The following DNAAF2 variants were observed in gnomAD, a reference collection of about 807,000 sequenced individuals.
DNAAF2 encodes the protein dynein axonemal assembly factor 2, also known as protein kintoun.
In DNAAF2, 58 loss-of-function variants were observed where a neutral mutation model predicts 48.8. That is an observed-to-expected ratio of 1.19 (90% CI 0.96 to 1.48). The LOEUF (loss-of-function observed/expected upper bound fraction) is 1.48, where lower values mean the gene tolerates loss of function less well. DNAAF2 is among the 40% of genes most tolerant of loss of function. DNAAF2 has a pLI of 0.00. For missense variants in DNAAF2, 1,241 were observed against 1,116.1 expected (o/e 1.11, Z -1.59); for synonymous variants, 567 against 481.2 (o/e 1.18, Z -2.33).
rs772951220 is a variant in DNAAF2 at position 49,634,993 on chromosome 14, C to T, written c.157G>A (p.Glu53Lys). The part of the protein sequence containing the change: ...LTDPENRRRY[E>K]AEITALERER... Reference sequence around the variant, plus strand: ...CGCTCTAGCGCGGTGATCTCCGCCTCGTAGCGCCGCCGGTTCTCCGGGTCG... The same window carrying T: ...CGCTCTAGCGCGGTGATCTCCGCCTTGTAGCGCCGCCGGTTCTCCGGGTCG... Residue 53 changes from glutamate (E) to lysine (K), a missense_variant, in exon 1 of 3, where the codon GAG (glutamate) becomes AAG (lysine). By Grantham distance (56) the Glu-to-Lys change is moderately conservative. Transcript: ENST00000298292. 1.3e-6 allele frequency: 2 copies of T among 1,564,396 alleles called. No homozygotes were observed. The highest frequency in any genetic ancestry group is 1.7e-6 in the Non-Finnish European group (2 of 1,154,790).
At position 49,634,770 on chromosome 14, in the gene DNAAF2, G is replaced by T. The variant is rs754170049; in HGVS notation, c.380C>A (p.Pro127His). Residue 127 changes from proline (P) to histidine (H), a missense_variant, in exon 1 of 3, where the codon CCC (proline) becomes CAC (histidine). Transcript: ENST00000298292. ...SHWSLPYSLA[P>H]GREYAGRSSS... Reference sequence around the variant, plus strand: ...GCTGCGCCCCGCGTACTCGCGGCCGGGCGCCAGGCTGTAGGGCAGGGACCA... The same window carrying T: ...GCTGCGCCCCGCGTACTCGCGGCCGTGCGCCAGGCTGTAGGGCAGGGACCA... The T allele has an allele frequency of 4.4e-6, 7 of 1,591,150 alleles. No individual in the cohort carries two copies. In the South Asian group the frequency reaches 7.8e-5, roughly 18 times the overall value.
At chr14:49,630,790 C>T (rs1883141714) in intron 1 of DNAAF2, among the ~76,000 whole-genome samples, 1 of 147,690 alleles carries the variant, frequency 6.8e-6, no homozygotes, top group African/African-American at 2.5e-5. Flanking sequence ...CTCACTCTGT[C>T]ACCAGGCTGG....
intron 2 of DNAAF2, among the ~76,000 whole-genome samples, 154 bp downstream of exon 2, chr14:49,627,858 A>C (rs1484677707): frequency 2.0e-5 from 3 of 151,838 alleles, no homozygotes; most frequent in Non-Finnish European, 4.4e-5. Flanking sequence ...CCATCTCAAA[A>C]AAAAAAAAAA....
chr14:49,632,019 T>C (rs1883177137), intron 1 of DNAAF2, among the ~76,000 whole-genome samples: 1 of 152,236 alleles, frequency 6.6e-6, no homozygotes, highest in Non-Finnish European at 1.5e-5. Context: ...GCTTCAAAGA[T>C]ATAAAATACA....
At chr14:49,629,593 G>C (rs1397000608) in intron 1 of DNAAF2, 2 of 151,796 alleles carry the variant, frequency 1.3e-5, no homozygotes, top group Non-Finnish European at 2.9e-5. Context: ...TACTAAAACT[G>C]CAATCACGTG....
chr14:49,627,809 C>T (rs929957088), intron 2 of DNAAF2, among the ~76,000 whole-genome samples: 1 of 150,788 alleles, frequency 6.6e-6, no homozygotes, highest in Non-Finnish European at 1.5e-5. Flanking sequence ...GAGATGAGAT[C>T]GCGCTACTGC....
chr14:49,632,916 T>A (rs1462459420), intron 1 of DNAAF2, among the ~76,000 whole-genome samples: 1 of 84 alleles, frequency 0.012, no homozygotes, highest in East Asian at 0.25. Flanking sequence ...TTTTAAGTTG[T>A]TTTTTTTTTT....
rs1384966579 is a variant in DNAAF2 at position 49,626,015 on chromosome 14, C to T, written c.2041G>A (p.Gly681Arg). The T allele has an allele frequency of 1.3e-6, 2 of 1,559,990 alleles. No homozygotes were observed. The highest frequency in any genetic ancestry group is 1.7e-6 in the Non-Finnish European group (2 of 1,156,220). Residue 681 changes from glycine to arginine, a missense_variant, in exon 3 of 3, where the codon GGA becomes AGA. Gly to Arg is a moderately radical substitution (Grantham distance 125). Coordinates refer to ENST00000298292, the MANE Select transcript of DNAAF2 (RefSeq NM_018139.3). The stretch of plus-strand genomic sequence containing the variant: ...TCTTCATTTACTCTTTCCTCCTTTC[C>T]TTGTAGCTGATCAGAGTTACTACAT... ...QECSNSDQLQ[G>R]KEERVNEESH...
At position 49,634,494 on chromosome 14, in the gene DNAAF2, C is replaced by T. The variant is rs762694659; in HGVS notation, c.656G>A (p.Gly219Asp). The T allele has an allele frequency of 5.0e-5, 80 of 1,592,426 alleles. No individual in the cohort carries two copies. The highest frequency in any genetic ancestry group is 6.4e-5 in the Non-Finnish European group (75 of 1,175,714). ...AGGGTAGGGGAAGTCCGGGAGAGGA[C>T]CCTTCGGCTCCCCGTCAGGCCTTGC... ...IPARPDGEPK[G>D]PLPDFPYPYQ... The change falls in exon 1 of 3, where the codon GGT (glycine) becomes GAT (aspartate). Residue 219 changes from glycine (G) to aspartate (D), a missense_variant. Physicochemically the swap from Gly to Asp is moderately conservative, Grantham distance 94. Transcript: ENST00000298292.
intron 2 of DNAAF2, 73 bp downstream of exon 2, chr14:49,627,939 A>C (rs572554372): frequency 7.2e-7 from 1 of 1,387,094 alleles, no homozygotes; most frequent in Non-Finnish European, 9.6e-7. Context: ...TTATGATATT[A>C]AGAAATCAAT....
chr14:49,627,755 T>C (rs928198172), intron 2 of DNAAF2, among the ~76,000 whole-genome samples: 1 of 151,548 alleles, frequency 6.6e-6, no homozygotes, highest in African/African-American at 2.4e-5. Flanking sequence ...CTTGGGAGGC[T>C]GAGGCAGGAG....
At position 49,626,029 on chromosome 14, in the gene DNAAF2, G is replaced by C. The variant is rs560565818; in HGVS notation, c.2027C>G (p.Ser676Cys). The change falls in exon 3 of 3, where the codon TCT becomes TGT. Residue 676 changes from serine (S) to cysteine (C), a missense_variant. By Grantham distance (112) the Ser-to-Cys change is moderately radical. Coordinates refer to ENST00000298292, the MANE Select transcript of DNAAF2 (RefSeq NM_018139.3). Reference protein sequence around the residue: ...INAKLQECSNSDQLQGKEERV... With the variant: ...INAKLQECSNCDQLQGKEERV... ...TTCCTCCTTTCCTTGTAGCTGATCA[G>C]AGTTACTACATTCTTGCAACTGTGT... 4.5e-5 allele frequency: 68 copies of C among 1,501,644 alleles called. No homozygotes were observed. The South Asian group carries it at 9.4e-4, about 21-fold the overall frequency. 93.0% of individuals were successfully genotyped at this position (1,501,644 alleles called of 1,614,324 possible).
Position 49,631,704 on chromosome 14 carries a change from T to C in DNAAF2, c.1863+1583A>G, listed in dbSNP as rs530057787. On this transcript the variant is annotated intron_variant, in intron 1 of 2. Transcript: ENST00000298292. ...ATGACTAATGAACTGAAAAAGTTACTGACCTCAGAGGCTCTGAAGATTTAG... is the reference window on the plus strand; with the variant it reads ...ATGACTAATGAACTGAAAAAGTTACCGACCTCAGAGGCTCTGAAGATTTAG... Among the ~76,000 whole-genome samples, 68 of 152,342 alleles carry C rather than the reference T, an allele frequency of 4.5e-4. 1 individual carries two copies. Among genetic ancestry groups the C allele is most frequent in the Admixed American group, 2.4e-3 (36 of 15,294 alleles).
intron 1 of DNAAF2, among the ~76,000 whole-genome samples, chr14:49,632,429 G>A (rs1337786967): frequency 6.8e-6 from 1 of 147,224 alleles, no homozygotes; most frequent in African/African-American, 2.5e-5. Context: ...AAAGCCCAAA[G>A]TCTAATACTT....
intron 1 of DNAAF2, 27 bp downstream of exon 1, chr14:49,633,260 T>C: frequency 1.2e-6 from 2 of 1,607,434 alleles, no homozygotes; most frequent in Non-Finnish European, 8.5e-7. Context: ...ATATTTCAAA[T>C]ATGAGGACTC....
chr14:49,626,052 T>G lies in DNAAF2; in HGVS notation c.2008-4A>C, dbSNP rs747363535. ...CAGAGTTACTACATTCTTGCAACTG[T>G]GTCAAGAGAAACAACAAATTAATAA... On this transcript the variant is annotated splice_region_variant and splice_polypyrimidine_tract_variant and intron_variant, in intron 2 of 2. Transcript: ENST00000298292. The G allele has an allele frequency of 7.0e-7, 1 of 1,433,456 alleles. No homozygotes were observed. Among genetic ancestry groups the G allele is most frequent in the African/African-American group, 1.4e-5 (1 of 69,222 alleles). The allele number at this position is 1,433,456 out of a possible 1,614,324, so 88.8% of individuals were successfully genotyped here. A position where few individuals can be genotyped will look rare whatever the true frequency, so the allele number is the denominator to read the frequency against.
chr14:49,628,269 GT>G, intron 1 of DNAAF2, 114 bp from the exon 2 acceptor site: 1 of 909,846 alleles, frequency 1.1e-6, no homozygotes, highest in Non-Finnish European at 1.6e-6. Flanking sequence ...TTTTTAAAAT[GT>G]TTATTTTAAT....
chr14:49,632,613 T>C (rs1228279434), intron 1 of DNAAF2, among the ~76,000 whole-genome samples: 3 of 151,778 alleles, frequency 2.0e-5, no homozygotes, highest in Non-Finnish European at 4.4e-5. Flanking sequence ...GCCCAGCTAA[T>C]TTTTGTATTT....
rs201386084 is a variant in DNAAF2 at position 49,635,237 on chromosome 14, A to T, written c.-88T>A. The T allele has an allele frequency of 5.4e-5, 76 of 1,400,094 alleles. No homozygotes were observed. Among genetic ancestry groups the T allele is most frequent in the Admixed American group, 2.0e-5 (1 of 49,574 alleles). The allele number at this position is 1,400,094 out of a possible 1,614,324, so 86.7% of individuals were successfully genotyped here. A position where few individuals can be genotyped will look rare whatever the true frequency, so the allele number is the denominator to read the frequency against. ...CCGCCTCAGAGTTTCTGGGCAGCGT[A>T]CAGTGACGCGGTGGAGGTCGGTAAC... On this transcript the variant is annotated 5_prime_UTR_variant, in exon 1 of 3. Coordinates refer to ENST00000298292, the MANE Select transcript of DNAAF2 (RefSeq NM_018139.3).
Sources: allele counts gnomAD v4.1 joint callset (sites outside exome capture counted in the v4.1 genomes callset), GRCh38; gene constraint gnomAD v4.1.1; transcripts MANE v1.5; gene names NCBI Gene and HGNC (gene_info 2026-07-23, HGNC 2026-07-21).